ELMO1: variants seen among roughly 807,000 people sequenced by gnomAD.
ELMO1 encodes engulfment and cell motility protein 1.
Under a neutral mutation model 98.9 loss-of-function variants are expected in ELMO1, and 26 were observed. The observed-to-expected ratio is 0.26, with a 90% CI of 0.19 to 0.36. ELMO1 has a LOEUF of 0.36. ELMO1 is among the 10% of genes least tolerant of loss of function. The probability of loss-of-function intolerance (pLI) is 1.00; values close to 1 mark genes in which losing one functional copy is unlikely to be tolerated. For synonymous variants in ELMO1, 346 were observed against 346.0 expected, an observed-to-expected ratio of 1.00 and a Z score of 0.00; for missense variants, 627 against 935.2, an observed-to-expected ratio of 0.67 and a Z score of 4.30.
chr7:37,329,189 GA>G, intron 2 of ELMO1, among the ~76,000 whole-genome samples: 1 of 152,322 alleles, frequency 6.6e-6, no homozygotes, highest in South Asian at 2.1e-4. Context: ...TCACACAAAT[GA>G]AAGATGAGAC....
At chr7:37,085,904 T>C (rs1783741241) in intron 15 of ELMO1, among the ~76,000 whole-genome samples, 1 of 152,242 alleles carries the variant, frequency 6.6e-6, no homozygotes, top group Non-Finnish European at 1.5e-5. Context: ...AACTTCCTCA[T>C]GTATATAACC....
chr7:37,163,752 G>A (rs568077596), intron 13 of ELMO1, among the ~76,000 whole-genome samples: 1 of 152,176 alleles, frequency 6.6e-6, no homozygotes, highest in Non-Finnish European at 1.5e-5. Context: ...GGACATTTGG[G>A]TTGGTTCCAA....
At chr7:37,020,449 G>A (rs988389183) in intron 15 of ELMO1, among the ~76,000 whole-genome samples, 8 of 152,100 alleles carry the variant, frequency 5.3e-5, no homozygotes, top group African/African-American at 1.2e-4. Flanking sequence ...TCTTTCTTTC[G>A]TAAGAAAATC....
chr7:37,228,637 C>T (rs1212162184), intron 8 of ELMO1, among the ~76,000 whole-genome samples: 3 of 152,166 alleles, frequency 2.0e-5, no homozygotes, highest in Admixed American at 1.3e-4. Context: ...CATGAATCAA[C>T]GATCCAATAA....
At chr7:37,301,054 G>A (rs2717991) in intron 4 of ELMO1, among the ~76,000 whole-genome samples, 52,680 of 151,306 alleles carry the variant, frequency 0.35, 10,215 homozygotes, top group Middle Eastern at 0.52. Context: ...GTTTATTTGC[G>A]TAGAGGTGTT....
chr7:37,270,965 G>C (rs899104829), intron 5 of ELMO1: 1 of 149,304 alleles, frequency 6.7e-6, no homozygotes, highest in Non-Finnish European at 1.5e-5. Flanking sequence ...TTGAGATGGA[G>C]TCTCACTCTC....
intron 16 of ELMO1, among the ~76,000 whole-genome samples, chr7:36,936,372 C>A (rs1487914226): frequency 6.6e-6 from 1 of 152,214 alleles, no homozygotes; most frequent in Non-Finnish European, 1.5e-5. Flanking sequence ...GGGAAATGGG[C>A]TACCACCCCT....
chr7:37,257,520 C>G (rs1007246008), intron 6 of ELMO1, among the ~76,000 whole-genome samples: 2 of 151,446 alleles, frequency 1.3e-5, no homozygotes, highest in Non-Finnish European at 2.9e-5. Context: ...GTCAAGAGAT[C>G]GAGACCATCC....
chr7:36,877,419 C>T (rs1804069993), intron 19 of ELMO1, among the ~76,000 whole-genome samples: 1 of 152,206 alleles, frequency 6.6e-6, no homozygotes, highest in Non-Finnish European at 1.5e-5. Context: ...GAATCCTGCA[C>T]ATTACTGTCT....
intron 18 of ELMO1, among the ~76,000 whole-genome samples, chr7:36,881,381 G>A (rs951158216): frequency 4.6e-5 from 7 of 152,142 alleles, no homozygotes; most frequent in African/African-American, 1.7e-4. Flanking sequence ...TTTCTTTTAC[G>A]GCAAGACAAA....
chr7:37,022,370 T>C (rs907123340), intron 15 of ELMO1, among the ~76,000 whole-genome samples: 1 of 152,146 alleles, frequency 6.6e-6, no homozygotes, highest in Non-Finnish European at 1.5e-5. Flanking sequence ...TAACCACTCC[T>C]ATAAGTCACT....
intron 16 of ELMO1, among the ~76,000 whole-genome samples, chr7:36,901,816 C>T (rs4723592): frequency 0.13 from 19,129 of 152,244 alleles, 1,381 homozygotes; most frequent in South Asian, 0.22. Context: ...AAATAATCCC[C>T]TCGCAGCTTG....
intron 2 of ELMO1, among the ~76,000 whole-genome samples, chr7:37,336,441 G>A (rs1286059386): frequency 2.0e-5 from 3 of 152,202 alleles, no homozygotes; most frequent in Non-Finnish European, 4.4e-5. Context: ...GGCTATGCCG[G>A]TGATGGGAAC....
chr7:37,070,630 G>C (rs1021788082), intron 15 of ELMO1, among the ~76,000 whole-genome samples: 3 of 152,182 alleles, frequency 2.0e-5, no homozygotes, highest in African/African-American at 7.2e-5. Flanking sequence ...CACGTGTCTT[G>C]AGCAAGGCTT....
chr7:37,054,343 C>T (rs1238597415), intron 15 of ELMO1, among the ~76,000 whole-genome samples: 2 of 152,172 alleles, frequency 1.3e-5, no homozygotes, highest in Non-Finnish European at 2.9e-5. Context: ...CATTCACCCT[C>T]AGCCCCTTAG....
chr7:37,268,441 C>T lies in ELMO1; in HGVS notation c.243+3391G>A, dbSNP rs114622246. Among the ~76,000 whole-genome samples, 1,163 of 152,292 alleles carry T rather than the reference C, an allele frequency of 7.6e-3. 12 individuals carry two copies. The highest frequency in any genetic ancestry group is 0.026 in the African/African-American group (1,093 of 41,560). On this transcript the variant is annotated intron_variant, in intron 5 of 21. Coordinates refer to ENST00000310758, the MANE Select transcript of ELMO1 (RefSeq NM_014800.11). Reference sequence around the variant, plus strand: ...TCAGCCTGCCGAGAAGCTGGGATTACAGGTGCCCACCACCATTCTCGGCTA... The same window carrying T: ...TCAGCCTGCCGAGAAGCTGGGATTATAGGTGCCCACCACCATTCTCGGCTA...
intron 1 of ELMO1, among the ~76,000 whole-genome samples, chr7:37,395,766 C>T (rs991430622): frequency 2.0e-5 from 3 of 151,664 alleles, no homozygotes; most frequent in Non-Finnish European, 4.4e-5. Flanking sequence ...TATTTTAAAC[C>T]ACTTCTCTAT....
At chr7:36,927,158 T>C (rs910844592) in intron 16 of ELMO1, among the ~76,000 whole-genome samples, 1 of 152,338 alleles carries the variant, frequency 6.6e-6, no homozygotes, top group African/African-American at 2.4e-5. Flanking sequence ...ATTATTCCCA[T>C]TTTACAGACA....
At position 37,137,632 on chromosome 7, in the gene ELMO1, G is replaced by A. The variant is rs1467106477; in HGVS notation, c.1087-4398C>T. Among the ~76,000 whole-genome samples the A allele has an allele frequency of 3.9e-5, 6 of 152,132 alleles. No homozygotes were observed. The South Asian group carries it at 8.3e-4, about 21-fold the overall frequency. ...GCTCACTGCAACCTCCACCTCCCAG[G>A]TTCAAGCAATTCTCCTGCCTCAGCC... On this transcript the variant is annotated intron_variant, in intron 13 of 21. Coordinates refer to ENST00000310758, the MANE Select transcript of ELMO1 (RefSeq NM_014800.11).
Sources: gnomAD v4.1 joint callset for allele counts (sites outside exome capture counted in the v4.1 genomes callset) on GRCh38, gnomAD v4.1.1 for gene constraint, MANE v1.5 for transcripts, NCBI Gene and HGNC (gene_info 2026-07-23, HGNC 2026-07-21) for gene names.